Variants in PIWIL1 observed in about 807,000 individuals in gnomAD.
The protein encoded by PIWIL1 is piwi like RNA-mediated gene silencing 1.
A neutral mutation model predicts 114.4 loss-of-function variants in PIWIL1; 73 were observed. That is an observed-to-expected ratio of 0.64 (90% confidence interval 0.53 to 0.78). The LOEUF (loss-of-function observed/expected upper bound fraction) is 0.78. PIWIL1 is among the 30% of genes least tolerant of loss of function. PIWIL1 has a pLI of 0.00. For missense variants in PIWIL1, 723 were observed against 1,063.1 expected (o/e 0.68, Z 4.45); for synonymous variants, 375 against 369.0 (o/e 1.02, Z -0.19).
chr12:130,373,862 C>G (rs1056480806), downstream of PIWIL1, among the ~76,000 whole-genome samples: 1 of 152,206 alleles, frequency 6.6e-6, no homozygotes, highest in Admixed American at 6.5e-5. Context: ...AGAGAATTCA[C>G]TGCCGCACTC....
At chr12:130,385,959 C>G in the PIWIL1 span, among the ~76,000 whole-genome samples, 1 of 152,166 alleles carries the variant, frequency 6.6e-6, no homozygotes, top group Non-Finnish European at 1.5e-5. Context: ...ACTTGTCTAT[C>G]TTAATAGATG....
the PIWIL1 span, among the ~76,000 whole-genome samples, chr12:130,400,301 C>T: frequency 0.026 from 3,987 of 152,332 alleles, 105 homozygotes; most frequent in Admixed American, 0.068. Flanking sequence ...ACTGTCCTCC[C>T]TCTTACTCAT....
the PIWIL1 span, chr12:130,398,887 T>C: frequency 3.7e-6 from 1 of 272,236 alleles, no homozygotes; most frequent in Non-Finnish European, 6.8e-6. Context: ...TTAATGCAAA[T>C]AGTAGGAAAT....
At chr12:130,376,361 C>T (rs1051114622), downstream of PIWIL1, among the ~76,000 whole-genome samples, 1 of 152,256 alleles carries the variant, frequency 6.6e-6, no homozygotes, top group African/African-American at 2.4e-5. Flanking sequence ...CGTGTAGCCT[C>T]TGGAAAACAC....
the PIWIL1 span, among the ~76,000 whole-genome samples, chr12:130,414,916 G>T: frequency 1.3e-4 from 20 of 152,212 alleles, no homozygotes; most frequent in Middle Eastern, 3.4e-3. Context: ...GGAAGAAATC[G>T]AAACCCTGAA....
rs747193766 is a variant in PIWIL1, at chr12:130,370,450, A to G, written c.2322-726A>G. ...ACTATTTACATAGCATTTGCATTGT[A>G]TTAGGTATTATAATCTAAAGATGAT... On this transcript the variant is annotated intron_variant, in intron 19 of 20. Transcript: ENST00000245255. Among the ~76,000 whole-genome samples, 43 of 152,306 alleles carry G rather than the reference A, an allele frequency of 2.8e-4. 2 individuals are homozygous for G. The highest frequency in any genetic ancestry group is 2.3e-3 in the South Asian group (11 of 4,826).
At chr12:130,385,489 C>T in the PIWIL1 span, among the ~76,000 whole-genome samples, 2 of 152,168 alleles carry the variant, frequency 1.3e-5, no homozygotes, top group African/African-American at 4.8e-5. Context: ...AAAACACCCA[C>T]TCAAATATAT....
At chr12:130,361,830 A>C (rs533692355) in intron 16 of PIWIL1, among the ~76,000 whole-genome samples, 1 of 152,252 alleles carries the variant, frequency 6.6e-6, no homozygotes, top group African/African-American at 2.4e-5. Flanking sequence ...TGGCGAGTAC[A>C]TCTTGTTAAA....
downstream of PIWIL1, among the ~76,000 whole-genome samples, chr12:130,375,037 G>A (rs1342356674): frequency 4.0e-5 from 6 of 151,798 alleles, no homozygotes; most frequent in Admixed American, 2.0e-4. Flanking sequence ...CCCGACCCCC[G>A]CAAAAAAGAA....
the PIWIL1 span, among the ~76,000 whole-genome samples, chr12:130,401,856 T>A: frequency 6.6e-6 from 1 of 152,052 alleles, no homozygotes; most frequent in East Asian, 1.9e-4. Context: ...GTAGTTGGCT[T>A]ATATTTGGGG....
At chr12:130,378,126 T>C in the PIWIL1 span, among the ~76,000 whole-genome samples, 1 of 152,210 alleles carries the variant, frequency 6.6e-6, no homozygotes, top group South Asian at 2.1e-4. Flanking sequence ...AGAATGCCTA[T>C]ACCCTTCCTC....
chr12:130,418,556 G>A, the PIWIL1 span, among the ~76,000 whole-genome samples: 63 of 152,236 alleles, frequency 4.1e-4, no homozygotes, highest in Middle Eastern at 3.4e-3. Flanking sequence ...TTCCAGGTAC[G>A]GAAAAATGCC....
chr12:130,415,980 A>C, the PIWIL1 span, among the ~76,000 whole-genome samples: 26 of 149,432 alleles, frequency 1.7e-4, no homozygotes, highest in Middle Eastern at 3.4e-3. Flanking sequence ...CACACACACA[A>C]AATATACAGA....
chr12:130,418,474 C>A, the PIWIL1 span, among the ~76,000 whole-genome samples: 1 of 152,204 alleles, frequency 6.6e-6, no homozygotes, highest in Admixed American at 6.5e-5. Flanking sequence ...GAGAAGGACG[C>A]CTGCTTTCCA....
rs761918397 is a variant in PIWIL1 at position 130,355,683 on chromosome 12, G to C, written c.1404+16G>C. 1 of 1,532,066 alleles carries C rather than the reference G, an allele frequency of 6.5e-7. No homozygotes were observed. The highest frequency in any genetic ancestry group is 9.0e-7 in the Non-Finnish European group (1 of 1,105,204). 94.9% of individuals were successfully genotyped at this position (1,532,066 alleles called of 1,614,324 possible). A position where few individuals can be genotyped will look rare whatever the true frequency, so the allele number is the denominator to read the frequency against. On this transcript the variant is annotated intron_variant, in intron 12 of 20. Transcript: ENST00000245255. ...TGGAAAAACAGTAAGGCAGTTTTTC[G>C]TTGGTGTTGTTGTTGTTTTTGAGAC...
the PIWIL1 span, among the ~76,000 whole-genome samples, chr12:130,400,011 T>TG: frequency 2.6e-4 from 40 of 152,298 alleles, no homozygotes; most frequent in African/African-American, 8.7e-4. Flanking sequence ...GCCCCTTTCC[T>TG]GGGGTCTTGA....
At chr12:130,421,722 TG>T in the PIWIL1 span, among the ~76,000 whole-genome samples, 1 of 151,980 alleles carries the variant, frequency 6.6e-6, no homozygotes. Context: ...TGTGTGTGTG[TG>T]TTTTCATAGA....
chr12:130,403,264 A>G, the PIWIL1 span, among the ~76,000 whole-genome samples: 1 of 152,238 alleles, frequency 6.6e-6, no homozygotes, highest in Non-Finnish European at 1.5e-5. Flanking sequence ...CTCAGTGAAC[A>G]TGACCAGCAA....
the PIWIL1 span, among the ~76,000 whole-genome samples, chr12:130,393,395 G>C: frequency 7.6e-6 from 1 of 132,272 alleles, no homozygotes; most frequent in African/African-American, 2.8e-5. Context: ...CCCAGTCACC[G>C]TCATCACGTG....
Sources: allele counts gnomAD v4.1 joint callset (sites outside exome capture counted in the v4.1 genomes callset), GRCh38; gene constraint gnomAD v4.1.1; transcripts MANE v1.5; gene names NCBI Gene and HGNC (gene_info 2026-07-23, HGNC 2026-07-21).